The following ZBTB38 variants were observed in gnomAD, a reference collection of about 807,000 sequenced individuals.
ZBTB38 encodes zinc finger and BTB domain containing 38.
Under a neutral mutation model 76.8 loss-of-function variants are expected in ZBTB38, and 20 were observed. The ratio of observed to expected loss-of-function variants is 0.26; its 90% confidence interval spans 0.18 to 0.38. The LOEUF is 0.38. ZBTB38 is among the 10% of genes least tolerant of loss of function. The pLI is 1.00. For synonymous variants in ZBTB38, 504 were observed against 544.2 expected (o/e 0.93, Z 1.03); for missense variants, 1,082 against 1,482.3 (o/e 0.73, Z 4.43).
intron 1 of ZBTB38, among the ~76,000 whole-genome samples, chr3:141,339,368 G>GT (rs1241678071): frequency 6.6e-6 from 1 of 152,174 alleles, no homozygotes; most frequent in African/African-American, 2.4e-5. Context: ...GAACAGAAGA[G>GT]TAGTATGATC....
At position 141,443,951 on chromosome 3, in the gene ZBTB38, T is replaced by C; in HGVS notation, c.1563T>C (p.Cys521=). 6.2e-7 allele frequency: 1 copy of C among 1,614,170 alleles called. No homozygotes were observed. Among genetic ancestry groups the C allele is most frequent in the South Asian group, 1.1e-5 (1 of 91,078 alleles). ...AAAGACGATATCAGTGCATTTTCTGTCTTGAAACTTTCATGACCTACTATA... is the reference window on the plus strand; with the variant it reads ...AAAGACGATATCAGTGCATTTTCTGCCTTGAAACTTTCATGACCTACTATA... ...TGERRYQCIF[C]LETFMTYYIL... is the part of the protein sequence containing the mutation. Residue 521 remains cysteine (C), a synonymous_variant, in exon 6 of 6, where the codon TGT becomes TGC. Transcript: ENST00000321464. The surrounding 1 kb of genome is among the most constrained non-coding windows in gnomAD (Gnocchi z 5.6).
chr3:141,429,502 C>T (rs1203329887), intron 5 of ZBTB38, among the ~76,000 whole-genome samples: 3 of 152,142 alleles, frequency 2.0e-5, no homozygotes, highest in East Asian at 1.9e-4. Flanking sequence ...GTCACTTACT[C>T]GCCAGACATT....
In ZBTB38 at chr3:141,442,319, G is replaced by C; in HGVS notation, c.1-70G>C. 1 of 1,177,896 alleles carries C rather than the reference G, an allele frequency of 8.5e-7. No individual in the cohort carries two copies. Among genetic ancestry groups the C allele is most frequent in the Non-Finnish European group, 1.2e-6 (1 of 826,782 alleles). 73.0% of individuals were successfully genotyped at this position (1,177,896 alleles called of 1,614,324 possible). A position where few individuals can be genotyped will look rare whatever the true frequency, so the allele number is the denominator to read the frequency against. On this transcript the variant is annotated intron_variant, in intron 5 of 5. Transcript: ENST00000321464. The surrounding 1 kb of genome is among the most constrained non-coding windows in gnomAD (Gnocchi z 6.4). ...CAAAAGAACAGTTTTTCACAGAAGT[G>C]GAAAATAGTCTAGAGATAAAGAAGC...
At chr3:141,426,236 T>G in intron 5 of ZBTB38, 4 of 1,275,202 alleles carry the variant, frequency 3.1e-6, no homozygotes, top group Non-Finnish European at 4.1e-6. Flanking sequence ...CTTGGTAATT[T>G]TCAGCAGGAT....
intron 1 of ZBTB38, among the ~76,000 whole-genome samples, chr3:141,336,009 A>G (rs1463952130): frequency 6.6e-6 from 1 of 152,202 alleles, no homozygotes; most frequent in Non-Finnish European, 1.5e-5. Context: ...TTTGCCTGTC[A>G]TCACCTTTCT....
At chr3:141,326,622 G>T (rs1942681613) in intron 1 of ZBTB38, among the ~76,000 whole-genome samples, 1 of 152,028 alleles carries the variant, frequency 6.6e-6, no homozygotes, top group Non-Finnish European at 1.5e-5. Context: ...TACAGTCTTG[G>T]TGTGAAACTC....
intron 1 of ZBTB38, among the ~76,000 whole-genome samples, chr3:141,346,212 T>C (rs1021581346): frequency 3.9e-5 from 6 of 152,234 alleles, no homozygotes; most frequent in Admixed American, 3.9e-4. Context: ...AAAATACTGA[T>C]ACCCAGGTGT....
intron 5 of ZBTB38, among the ~76,000 whole-genome samples, chr3:141,411,992 G>A (rs1333414727): frequency 1.3e-5 from 2 of 152,054 alleles, no homozygotes; most frequent in Non-Finnish European, 2.9e-5. Context: ...AAGAAGATTT[G>A]CACCTTTCTC....
Position 141,442,643 on chromosome 3 carries a change from TGA to T in ZBTB38, c.256_257del (p.Glu86AsnfsTer3). 6.2e-7 allele frequency: 1 copy of T among 1,614,202 alleles called. No individual in the cohort carries two copies. Among genetic ancestry groups the T allele is most frequent in the East Asian group, 2.2e-5 (1 of 44,888 alleles). ...ACGATCTCAAAGCTGAAGTGTTTAC[TGA>T]AATACTTAATTATATCTACAGTTCC... ...LDDLKAEVFT[E>X]ILNYIYSSTV... is the part of the protein sequence containing the mutation. On this transcript the variant is annotated frameshift_variant, in exon 6 of 6. Coordinates refer to ENST00000321464, the MANE Select transcript of ZBTB38 (RefSeq NM_001376113.1). LOFTEE classifies it high-confidence loss of function. This position sits in a 1 kb window ranked among gnomAD's most constrained non-coding sequence, Gnocchi z 6.4.
chr3:141,328,507 C>T (rs543288292), intron 1 of ZBTB38, among the ~76,000 whole-genome samples: 63 of 152,328 alleles, frequency 4.1e-4, no homozygotes, highest in African/African-American at 1.4e-3. Flanking sequence ...CAGAAATCCC[C>T]TCAGCTACCA....
rs371214610 is a variant in ZBTB38, at chr3:141,442,619, C to A, written c.231C>A (p.Asp77Glu). The A allele has an allele frequency of 1.2e-6, 2 of 1,614,132 alleles. No individual in the cohort carries two copies. Among genetic ancestry groups the A allele is most frequent in the Admixed American group, 3.3e-5 (2 of 60,030 alleles). Residue 77 changes from aspartate to glutamate, a missense_variant, in exon 6 of 6, where the codon GAC (aspartate) becomes GAA (glutamate). Physicochemically the swap from Asp to Glu is conservative, Grantham distance 45. Transcript: ENST00000321464. This position sits in a 1 kb window ranked among gnomAD's most constrained non-coding sequence, Gnocchi z 6.4. ...TTTCCAGCCACGTCCTGGAGCTGGA[C>A]GATCTCAAAGCTGAAGTGTTTACTG... ...ICISSHVLEL[D>E]DLKAEVFTEI...
intron 5 of ZBTB38, among the ~76,000 whole-genome samples, chr3:141,434,514 C>T (rs2078310264): frequency 1.3e-5 from 2 of 152,054 alleles, no homozygotes; most frequent in Admixed American, 1.3e-4. Flanking sequence ...AGCATAGATT[C>T]ATTTTCTTTT....
chr3:141,401,571 A>C (rs977685276), intron 4 of ZBTB38, among the ~76,000 whole-genome samples: 2 of 152,020 alleles, frequency 1.3e-5, no homozygotes, highest in Non-Finnish European at 2.9e-5. Flanking sequence ...CTGAAAACGT[A>C]AAGAATTGAC....
intron 4 of ZBTB38, among the ~76,000 whole-genome samples, chr3:141,401,197 GTT>G (rs1951813976): frequency 6.6e-6 from 1 of 152,062 alleles, no homozygotes; most frequent in Non-Finnish European, 1.5e-5. Context: ...GCAGGTTTTT[GTT>G]TTTGTTTTTT....
rs1335353352 is a variant in ZBTB38, at chr3:141,445,637, C to T, written c.3249C>T (p.Ile1083=). 2 of 1,614,174 alleles carry T rather than the reference C, an allele frequency of 1.2e-6. No homozygotes were observed. The highest frequency in any genetic ancestry group is 8.5e-7 in the Non-Finnish European group (1 of 1,180,040). The change falls in exon 6 of 6, where the codon ATC becomes ATT. Residue 1083 remains isoleucine (I), a synonymous_variant. Coordinates refer to ENST00000321464, the MANE Select transcript of ZBTB38 (RefSeq NM_001376113.1). The surrounding 1 kb of genome is among the most constrained non-coding windows in gnomAD (Gnocchi z 6.5). ...KAFTLNETLK[I]HERIHTGEKR... is the part of the protein sequence containing the mutation. The stretch of plus-strand genomic sequence containing the variant: ...TCACCTTGAATGAGACCCTCAAAAT[C>T]CATGAAAGAATCCATACTGGAGAAA...
intron 1 of ZBTB38, among the ~76,000 whole-genome samples, chr3:141,340,996 G>GAA (rs1553760169): frequency 7.6e-5 from 7 of 91,898 alleles, no homozygotes. Context: ...GAAAGAGAAA[G>GAA]AAGAAAGAAA....
rs760052985 is a variant in ZBTB38, at chr3:141,442,443, G to C, written c.55G>C (p.Val19Leu). The C allele has an allele frequency of 6.2e-7, 1 of 1,614,180 alleles. No homozygotes were observed. The highest frequency in any genetic ancestry group is 8.5e-7 in the Non-Finnish European group (1 of 1,180,034). ...CAAGGACGACTTTCACAGTGACACGGTACTCTCCATCTTAAATGAGCAGCG... is the reference window on the plus strand; with the variant it reads ...CAAGGACGACTTTCACAGTGACACGCTACTCTCCATCTTAAATGAGCAGCG... ...DLKDDFHSDTVLSILNEQRIR... is the reference protein window; with the variant it reads ...DLKDDFHSDTLLSILNEQRIR... Residue 19 changes from valine to leucine, a missense_variant, in exon 6 of 6, where the codon GTA becomes CTA. Coordinates refer to ENST00000321464, the MANE Select transcript of ZBTB38 (RefSeq NM_001376113.1). This position sits in a 1 kb window ranked among gnomAD's most constrained non-coding sequence, Gnocchi z 6.4.
exon 1 of ZBTB38, chr3:141,324,225 C>G (rs146765433): frequency 6.6e-6 from 1 of 152,334 alleles, no homozygotes; most frequent in East Asian, 1.9e-4. Flanking sequence ...CAGAAGCCCT[C>G]TAGCCAAGGC....
At chr3:141,390,396 A>G (rs1234923884) in intron 4 of ZBTB38, among the ~76,000 whole-genome samples, 7 of 152,220 alleles carry the variant, frequency 4.6e-5, no homozygotes, top group Non-Finnish European at 8.8e-5. Context: ...ATGGGCAAAT[A>G]TGTGGTTTTC....
Sources: allele counts gnomAD v4.1 joint callset (sites outside exome capture counted in the v4.1 genomes callset), GRCh38; gene constraint gnomAD v4.1.1; non-coding constraint Gnocchi (gnomAD v3.1); transcripts MANE v1.5; gene names NCBI Gene and HGNC (gene_info 2026-07-23, HGNC 2026-07-21).